Variants in REEP1 observed in about 807,000 individuals in gnomAD.
REEP1 encodes the protein receptor accessory protein 1, also known as receptor expression-enhancing protein 1.
In REEP1, 22 loss-of-function variants were observed where a neutral mutation model predicts 40.3. The observed-to-expected ratio is 0.55, with a 90% CI of 0.39 to 0.78. The LOEUF (loss-of-function observed/expected upper bound fraction) is 0.78, where lower values mean the gene tolerates loss of function less well. REEP1 is among the 30% of genes least tolerant of loss of function. The pLI, the probability that REEP1 is intolerant of heterozygous loss-of-function variation, is 0.00. For synonymous variants in REEP1, 116 were observed against 139.2 expected (o/e 0.83, Z 1.17); for missense variants, 280 against 361.1 (o/e 0.78, Z 1.82).
At chr2:86,261,257 C>T (rs1462947781) in intron 3 of REEP1, among the ~76,000 whole-genome samples, 2 of 152,126 alleles carry the variant, frequency 1.3e-5, no homozygotes, top group South Asian at 2.1e-4. Context: ...TTGACTGGGC[C>T]GGCCTCTACT....
chr2:86,306,888 GA>G (rs772994139), intron 1 of REEP1, among the ~76,000 whole-genome samples: 3,073 of 130,974 alleles, frequency 0.023, 98 homozygotes, highest in African/African-American at 0.078. Flanking sequence ...GGAGCCAAAA[GA>G]AAAAAAAAAA....
intron 6 of REEP1, among the ~76,000 whole-genome samples, chr2:86,228,605 C>T (rs557756488): frequency 1.3e-5 from 2 of 152,216 alleles, no homozygotes; most frequent in South Asian, 4.2e-4. Flanking sequence ...ATTACAGGCA[C>T]CCGCCTTCAC....
chr2:86,228,940 T>C (rs532783672), intron 6 of REEP1, among the ~76,000 whole-genome samples: 95 of 152,384 alleles, frequency 6.2e-4, no homozygotes, highest in African/African-American at 2.2e-3. Context: ...AATTGTTAGA[T>C]AAAATCTCAT....
chr2:86,247,060 A>AT lies in REEP1; in HGVS notation c.417+4896dup, dbSNP rs535056045. Among the ~76,000 whole-genome samples the AT allele has an allele frequency of 8.0e-3, 1,188 of 147,890 alleles. 23 individuals carry two copies. Among genetic ancestry groups the AT allele is most frequent in the African/African-American group, 0.026 (1,061 of 40,472 alleles). Reference sequence around the variant, plus strand: ...TTAACAAATAAATTTCTAGAGCATTATTTTTTTTTTTAAGAGAGAGACTTT... The same window carrying AT: ...TTAACAAATAAATTTCTAGAGCATTATTTTTTTTTTTTAAGAGAGAGACTTT... On this transcript the variant is annotated intron_variant, in intron 5 of 8. Coordinates refer to ENST00000538924, the MANE Select transcript of REEP1 (RefSeq NM_001371279.1).
chr2:86,286,037 C>G (rs750247042), intron 1 of REEP1, among the ~76,000 whole-genome samples: 1 of 152,094 alleles, frequency 6.6e-6, no homozygotes, highest in African/African-American at 2.4e-5. Flanking sequence ...CTCTTCCCCC[C>G]ACTGTCATTA....
chr2:86,318,340 C>T (rs1392759151), intron 1 of REEP1, among the ~76,000 whole-genome samples: 1 of 151,704 alleles, frequency 6.6e-6, no homozygotes, highest in African/African-American at 2.4e-5. Context: ...GTACAGTACT[C>T]TCTTCTTGAC....
chr2:86,330,316 G>A (rs765926148), intron 1 of REEP1, among the ~76,000 whole-genome samples: 1 of 151,960 alleles, frequency 6.6e-6, no homozygotes, highest in Non-Finnish European at 1.5e-5. Flanking sequence ...TTGAATTCAG[G>A]TTTGGCCAAT....
At chr2:86,324,380 CAT>C (rs1481147606) in intron 1 of REEP1, among the ~76,000 whole-genome samples, 2 of 152,230 alleles carry the variant, frequency 1.3e-5, no homozygotes, top group Admixed American at 1.3e-4. Context: ...GGCCAATAAA[CAT>C]ATGAAAAGAT....
chr2:86,335,621 C>A (rs142594330), intron 1 of REEP1, among the ~76,000 whole-genome samples: 1 of 152,088 alleles, frequency 6.6e-6, no homozygotes, highest in African/African-American at 2.4e-5. Context: ...GAGGCCGAAG[C>A]GGGCGGATCA....
chr2:86,306,978 G>A (rs567862603), intron 1 of REEP1, among the ~76,000 whole-genome samples: 1 of 151,996 alleles, frequency 6.6e-6, no homozygotes, highest in African/African-American at 2.4e-5. Context: ...GCTGAGGTGG[G>A]CGGATCACCT....
chr2:86,251,534 C>T, intron 5 of REEP1: 1 of 271,718 alleles, frequency 3.7e-6, no homozygotes, highest in Non-Finnish European at 7.2e-6. Flanking sequence ...TCCACCTGTC[C>T]ACTGCATTTA....
At chr2:86,294,174 A>C (rs1572997726) in intron 1 of REEP1, among the ~76,000 whole-genome samples, 1 of 152,168 alleles carries the variant, frequency 6.6e-6, no homozygotes, top group South Asian at 2.1e-4. Flanking sequence ...ATGGGTGTGG[A>C]GTTATAATTT....
intron 3 of REEP1, among the ~76,000 whole-genome samples, chr2:86,258,192 T>C (rs17510512): frequency 0.065 from 9,924 of 152,296 alleles, 483 homozygotes; most frequent in Non-Finnish European, 0.098. Context: ...GCGTCATTGT[T>C]TTCTTTTCCT....
intron 1 of REEP1, among the ~76,000 whole-genome samples, chr2:86,294,169 T>G (rs1572997686): frequency 6.6e-6 from 1 of 152,068 alleles, no homozygotes; most frequent in African/African-American, 2.4e-5. Flanking sequence ...TGATAATGGG[T>G]GTGGAGTTAT....
intron 4 of REEP1, among the ~76,000 whole-genome samples, chr2:86,253,899 C>T (rs758451139): frequency 4.6e-5 from 7 of 152,152 alleles, no homozygotes; most frequent in Non-Finnish European, 8.8e-5. Context: ...ATACAGTTAA[C>T]GAATGATACA....
At chr2:86,229,960 G>A (rs1034853386) in intron 6 of REEP1, among the ~76,000 whole-genome samples, 1 of 152,124 alleles carries the variant, frequency 6.6e-6, no homozygotes, top group Non-Finnish European at 1.5e-5. Flanking sequence ...CAGAACAGCT[G>A]GAAAGAGCAC....
chr2:86,270,884 AC>A (rs1381598509), intron 2 of REEP1, among the ~76,000 whole-genome samples: 6 of 151,788 alleles, frequency 4.0e-5, no homozygotes, highest in Non-Finnish European at 7.4e-5. Context: ...AATACTGGCT[AC>A]AAAGTTCTAA....
chr2:86,233,774 T>C (rs1015329618), intron 5 of REEP1, among the ~76,000 whole-genome samples: 7 of 152,064 alleles, frequency 4.6e-5, no homozygotes, highest in Non-Finnish European at 8.8e-5. Flanking sequence ...AACTCAGACA[T>C]CTTCAGAAAG....
chr2:86,291,642 A>T (rs1572992933), intron 1 of REEP1, among the ~76,000 whole-genome samples: 1 of 151,874 alleles, frequency 6.6e-6, no homozygotes. Context: ...CCCAGTTTAC[A>T]AATAAAAAAA....
Sources: allele counts gnomAD v4.1 joint callset (sites outside exome capture counted in the v4.1 genomes callset), GRCh38; gene constraint gnomAD v4.1.1; transcripts MANE v1.5; gene names NCBI Gene and HGNC (gene_info 2026-07-23, HGNC 2026-07-21).